The following ZNF536 variants were observed in gnomAD, a reference collection of about 807,000 sequenced individuals.
ZNF536 encodes the protein zinc finger protein 536.
A neutral mutation model predicts 84.5 loss-of-function variants in ZNF536; 13 were observed. The ratio of observed to expected loss-of-function variants is 0.15; its 90% CI spans 0.10 to 0.24. The LOEUF is 0.24. ZNF536 is among the 10% of genes least tolerant of loss of function. ZNF536 has a pLI of 1.00. For missense variants in ZNF536, 1,536 were observed against 1,747.5 expected, an observed-to-expected ratio of 0.88 and a Z score of 2.16; for synonymous variants, 811 against 742.5, an observed-to-expected ratio of 1.09 and a Z score of -1.50.
chr19:30,410,653 G>GTGT (rs1555748551), intron 1 of ZNF536, among the ~76,000 whole-genome samples: 2 of 149,512 alleles, frequency 1.3e-5, no homozygotes, highest in African/African-American at 4.9e-5. Flanking sequence ...TTTTTTTTGT[G>GTGT]TTTTTTAGTA....
At chr19:30,498,932 C>G (rs887875854) in intron 2 of ZNF536, among the ~76,000 whole-genome samples, 6 of 152,144 alleles carry the variant, frequency 3.9e-5, no homozygotes, top group Admixed American at 3.9e-4. Context: ...TCCTGTTCAG[C>G]TGAATCGTCA....
At chr19:30,286,112 G>A (rs759209384) in intron 2 of ZNF536, among the ~76,000 whole-genome samples, 1 of 152,104 alleles carries the variant, frequency 6.6e-6, no homozygotes, top group Non-Finnish European at 1.5e-5. Flanking sequence ...TGGCCCGAGC[G>A]AGGGCCTGAA....
rs565394284 is a variant in ZNF536, at chr19:30,372,451, C to T, written c.-108C>T. ...GAGAAGAGAGTTTCCACGTTGTCAT[C>T]ATAGGATCTGGACTCAAGTGACCAA... is the stretch of plus-strand genomic sequence containing the variant. On this transcript the variant is annotated 5_prime_UTR_variant, in exon 1 of 5. Coordinates refer to ENST00000355537, the MANE Select transcript of ZNF536 (RefSeq NM_014717.3). 171 of 152,336 alleles carry T rather than the reference C, an allele frequency of 1.1e-3. No homozygotes were observed. Among genetic ancestry groups the T allele is most frequent in the African/African-American group, 4.0e-3 (165 of 41,588 alleles). 9.4% of individuals were successfully genotyped at this position (152,336 alleles called of 1,614,324 possible).
At chr19:30,302,046 G>C (rs1379575482) in intron 2 of ZNF536, among the ~76,000 whole-genome samples, 1 of 150,908 alleles carries the variant, frequency 6.6e-6, no homozygotes, top group Non-Finnish European at 1.5e-5. Flanking sequence ...GCACGTTTTA[G>C]CAACGTATAC....
At chr19:30,329,957 G>T (rs2047156322) in intron 2 of ZNF536, among the ~76,000 whole-genome samples, 1 of 152,164 alleles carries the variant, frequency 6.6e-6, no homozygotes, top group Admixed American at 6.5e-5. Context: ...CTAAAATATT[G>T]CAAAGTAATA....
chr19:30,354,322 A>C (rs1255582891), intron 3 of ZNF536, among the ~76,000 whole-genome samples: 2 of 152,226 alleles, frequency 1.3e-5, no homozygotes, highest in Non-Finnish European at 2.9e-5. Flanking sequence ...CAGTAGCTCC[A>C]GCCTCATCAG....
chr19:30,441,209 C>T (rs2052031310), intron 1 of ZNF536, among the ~76,000 whole-genome samples: 1 of 152,252 alleles, frequency 6.6e-6, no homozygotes, highest in South Asian at 2.1e-4. Flanking sequence ...CTGAGCTGGC[C>T]AACTGGGCAG....
intron 1 of ZNF536, among the ~76,000 whole-genome samples, chr19:30,674,087 G>A (rs2050665487): frequency 6.6e-6 from 1 of 152,214 alleles, no homozygotes; most frequent in African/African-American, 2.4e-5. Context: ...TGATGTGAAA[G>A]CTCACATCAC....
At chr19:30,452,160 TACC>T (rs1022018386) in intron 2 of ZNF536, among the ~76,000 whole-genome samples, 2 of 152,328 alleles carry the variant, frequency 1.3e-5, no homozygotes, top group Non-Finnish European at 2.9e-5. Context: ...CTCCCATGCT[TACC>T]ATGCACTCAG....
intron 1 of ZNF536, among the ~76,000 whole-genome samples, chr19:30,397,016 T>C (rs2049852779): frequency 6.6e-6 from 1 of 152,190 alleles, no homozygotes; most frequent in Admixed American, 6.5e-5. Context: ...GAGCTCCCAG[T>C]TGGCCCTTCC....
At chr19:30,370,154 C>T (rs1265232882), upstream of ZNF536, among the ~76,000 whole-genome samples, 3 of 152,304 alleles carry the variant, frequency 2.0e-5, no homozygotes, top group Non-Finnish European at 2.9e-5. Flanking sequence ...CGTTAAAAAG[C>T]AACTATGGCT....
intron 1 of ZNF536, among the ~76,000 whole-genome samples, chr19:30,243,205 A>C (rs2024056391): frequency 1.3e-5 from 2 of 152,188 alleles, no homozygotes; most frequent in African/African-American, 2.4e-5. Context: ...CTTGTGGAAC[A>C]GCTTTTTTTT....
intron 1 of ZNF536, among the ~76,000 whole-genome samples, chr19:30,669,532 G>T (rs2147703246): frequency 6.6e-6 from 1 of 152,320 alleles, no homozygotes; most frequent in South Asian, 2.1e-4. Flanking sequence ...AGGCGGAGGG[G>T]TCCCTTGGCC....
At chr19:30,409,748 A>G (rs1391938356) in intron 1 of ZNF536, among the ~76,000 whole-genome samples, 1 of 152,228 alleles carries the variant, frequency 6.6e-6, no homozygotes, top group Non-Finnish European at 1.5e-5. Flanking sequence ...TTCAAGTCTG[A>G]ATGTTATTTA....
chr19:30,350,735 C>T (rs1191246905), intron 2 of ZNF536, among the ~76,000 whole-genome samples: 3 of 152,150 alleles, frequency 2.0e-5, no homozygotes, highest in Non-Finnish European at 1.5e-5. Context: ...TATGCTAATC[C>T]ACAGTGGCTT....
In ZNF536 at chr19:30,282,859, C is replaced by T. The variant is rs561006107; in HGVS notation, c.-189-1213C>T. On this transcript the variant is annotated intron_variant, in intron 1 of 5. Transcript: ENST00000585628. Reference sequence around the variant, plus strand: ...CAGACACTGAGATGTAATTTCTTTCCGTGTTGGAGATGGTTGAGACATCAG... The same window carrying T: ...CAGACACTGAGATGTAATTTCTTTCTGTGTTGGAGATGGTTGAGACATCAG... Among the ~76,000 whole-genome samples, 33 of 152,172 alleles carry T rather than the reference C, an allele frequency of 2.2e-4. No homozygotes were observed. In the South Asian group the frequency reaches 4.6e-3, roughly 21 times the overall value.
At chr19:30,563,693 G>C (rs1221053067) in intron 1 of ZNF536, among the ~76,000 whole-genome samples, 1 of 152,182 alleles carries the variant, frequency 6.6e-6, no homozygotes, top group Non-Finnish European at 1.5e-5. Context: ...CGTGACAGTG[G>C]GTTTTGCAAC....
intron 1 of ZNF536, among the ~76,000 whole-genome samples, chr19:30,609,896 A>G (rs560018770): frequency 4.5e-3 from 70 of 15,606 alleles, no homozygotes; most frequent in African/African-American, 0.013. Flanking sequence ...CCACCCATTT[A>G]TCCATCCATC....
At position 30,445,791 on chromosome 19, in the gene ZNF536, C is replaced by G. The variant is rs2148239706; in HGVS notation, c.2170+59C>G. On this transcript the variant is annotated intron_variant, in intron 2 of 4. Transcript: ENST00000355537. This position sits in a 1 kb window ranked among gnomAD's most constrained non-coding sequence, Gnocchi z 4.5. ...GTACAGCAGCCCTGCTCAGGGCTGC[C>G]TGGTTCTGCTCCCAGGCCTCCAGTC... is the stretch of plus-strand genomic sequence containing the variant. 1 of 1,506,412 alleles carries G rather than the reference C, an allele frequency of 6.6e-7. No homozygotes were observed. The highest frequency in any genetic ancestry group is 8.9e-7 in the Non-Finnish European group (1 of 1,128,626). 93.3% of individuals were successfully genotyped at this position (1,506,412 alleles called of 1,614,324 possible). A position where few individuals can be genotyped will look rare whatever the true frequency, so the allele number is the denominator to read the frequency against.
Sources: allele counts gnomAD v4.1 joint callset (sites outside exome capture counted in the v4.1 genomes callset), GRCh38; gene constraint gnomAD v4.1.1; non-coding constraint Gnocchi (gnomAD v3.1); transcripts MANE v1.5; gene names NCBI Gene and HGNC (gene_info 2026-07-23, HGNC 2026-07-21).